The following ANAPC1 variants were observed in gnomAD, a reference collection of about 807,000 sequenced individuals.
The protein encoded by ANAPC1 is anaphase-promoting complex subunit 1.
Under a neutral mutation model 208.0 loss-of-function variants are expected in ANAPC1, and 36 were observed. The ratio of observed to expected loss-of-function variants is 0.17; its 90% CI spans 0.13 to 0.23. ANAPC1 has a LOEUF of 0.23. ANAPC1 is among the 10% of genes least tolerant of loss of function. ANAPC1 has a pLI of 1.00. For synonymous variants in ANAPC1, 378 were observed against 695.2 expected (o/e 0.54, Z 7.18); for missense variants, 942 against 2,011.6 (o/e 0.47, Z 10.17).
At chr2:111,849,906 A>C (rs1231677141) in intron 14 of ANAPC1, among the ~76,000 whole-genome samples, 3 of 151,548 alleles carry the variant, frequency 2.0e-5, no homozygotes, top group Non-Finnish European at 4.4e-5. Context: ...ATTCAGAATA[A>C]AACCACCTTT....
At chr2:111,864,263 C>T (rs989414578) in intron 8 of ANAPC1, among the ~76,000 whole-genome samples, 3 of 151,508 alleles carry the variant, frequency 2.0e-5, no homozygotes, top group African/African-American at 7.3e-5. Flanking sequence ...GAGTTCAAGG[C>T]TGCAGTGAAC....
chr2:111,797,902 C>A (rs879021094), intron 34 of ANAPC1, among the ~76,000 whole-genome samples: 1 of 116,926 alleles, frequency 8.6e-6, no homozygotes, highest in African/African-American at 3.7e-5. Context: ...AGGGGAGAGT[C>A]GATCCATGGA....
At chr2:111,873,866 T>C (rs36010459) in intron 3 of ANAPC1, among the ~76,000 whole-genome samples, 26 of 151,934 alleles carry the variant, frequency 1.7e-4, no homozygotes, top group African/African-American at 5.8e-4. Flanking sequence ...AGGCAAAATA[T>C]GTTTACAATT....
Position 111,884,088 on chromosome 2 carries a change from C to T in ANAPC1, c.-171G>A, listed in dbSNP as rs899966161. On this transcript the variant is annotated 5_prime_UTR_variant, in exon 1 of 48. Transcript: ENST00000341068. ...TCTCATTCCCTCTCCCTCCCCTATT[C>T]TGGAGGAAGAACGGGCAACAGCAGC... is the stretch of plus-strand genomic sequence containing the variant. The T allele has an allele frequency of 6.6e-6, 1 of 152,382 alleles. No individual in the cohort carries two copies. Among genetic ancestry groups the T allele is most frequent in the African/African-American group, 2.4e-5 (1 of 41,476 alleles). The allele number at this position is 152,382 out of a possible 1,614,324, so 9.4% of individuals were successfully genotyped here. A position where few individuals can be genotyped will look rare whatever the true frequency, so the allele number is the denominator to read the frequency against.
chr2:111,777,516 T>C (rs1301009877), intron 45 of ANAPC1, among the ~76,000 whole-genome samples: 1 of 150,162 alleles, frequency 6.7e-6, no homozygotes, highest in Non-Finnish European at 1.5e-5. Context: ...CTGCCACCCA[T>C]GACTGTAAAG....
intron 3 of ANAPC1, among the ~76,000 whole-genome samples, chr2:111,876,182 G>C (rs796113369): frequency 6.6e-6 from 1 of 151,732 alleles, no homozygotes; most frequent in African/African-American, 2.4e-5. Context: ...TAGAGCCCAG[G>C]GGTTCAAGAC....
chr2:111,860,904 C>T (rs1331020107), intron 10 of ANAPC1, among the ~76,000 whole-genome samples: 1 of 151,024 alleles, frequency 6.6e-6, no homozygotes. Flanking sequence ...TTATTGAATA[C>T]AATAATTCTT....
intron 16 of ANAPC1, among the ~76,000 whole-genome samples, chr2:111,845,924 G>A (rs1201070909): frequency 6.2e-5 from 9 of 145,660 alleles, no homozygotes; most frequent in African/African-American, 1.6e-4. Context: ...GCAGTGAGCC[G>A]AGTTTGCGCC....
chr2:111,834,887 A>C lies in ANAPC1; in HGVS notation c.2116-15T>G, dbSNP rs1680381792. 4.8e-6 allele frequency: 7 copies of C among 1,466,362 alleles called. No individual in the cohort carries two copies. Among genetic ancestry groups the C allele is most frequent in the Non-Finnish European group, 6.3e-6 (7 of 1,111,092 alleles). The allele number at this position is 1,466,362 out of a possible 1,614,324, so 90.8% of individuals were successfully genotyped here. A position where few individuals can be genotyped will look rare whatever the true frequency, so the allele number is the denominator to read the frequency against. ...TATTCCCAGTCCTGAGAAGAATAAA[A>C]AGAATATTAATTTTTAAAAATAATA... On this transcript the variant is annotated splice_polypyrimidine_tract_variant and intron_variant, in intron 18 of 47. Transcript: ENST00000341068.
chr2:111,880,350 C>A (rs528623350), intron 2 of ANAPC1: 2 of 494,302 alleles, frequency 4.0e-6, no homozygotes, highest in African/African-American at 4.2e-5. Flanking sequence ...CCAGCCCGGG[C>A]AAAAAGAGCA....
At chr2:111,855,325 A>C (rs1231408300) in intron 13 of ANAPC1, among the ~76,000 whole-genome samples, 2 of 152,344 alleles carry the variant, frequency 1.3e-5, no homozygotes, top group African/African-American at 4.8e-5. Context: ...AAAGGTTTGA[A>C]ATATTGCAAG....
chr2:111,842,642 CAAAAAAAAAA>C (rs1320611057), intron 17 of ANAPC1, among the ~76,000 whole-genome samples: 1 of 84,026 alleles, frequency 1.2e-5, no homozygotes, highest in Admixed American at 1.3e-4. Context: ...CATTCTGTCT[CAAAAAAAAAA>C]AAAAAAAAAT....
chr2:111,773,975 T>G (rs1204126199), intron 46 of ANAPC1, among the ~76,000 whole-genome samples: 1 of 149,728 alleles, frequency 6.7e-6, no homozygotes, highest in African/African-American at 2.5e-5. Flanking sequence ...TCAGTTAAAT[T>G]GAGATGGTTG....
chr2:111,831,668 CT>C (rs1261446620), intron 20 of ANAPC1, among the ~76,000 whole-genome samples: 2 of 151,546 alleles, frequency 1.3e-5, no homozygotes, highest in Non-Finnish European at 2.9e-5. Context: ...GAAACCCCGT[CT>C]CTACTAAAAA....
At chr2:111,855,265 C>T (rs1327203405) in intron 13 of ANAPC1, among the ~76,000 whole-genome samples, 1 of 152,132 alleles carries the variant, frequency 6.6e-6, no homozygotes, top group African/African-American at 2.4e-5. Context: ...CCAATAGTAA[C>T]ATCAAAGACC....
chr2:111,804,604 T>TTCACA (rs1367564990), intron 30 of ANAPC1, among the ~76,000 whole-genome samples: 5 of 118,236 alleles, frequency 4.2e-5, no homozygotes. Flanking sequence ...GCCTCCTGGG[T>TTCACA]TCACACCATT....
At chr2:111,834,309 G>A (rs2049202) in intron 19 of ANAPC1, among the ~76,000 whole-genome samples, 8 of 152,246 alleles carry the variant, frequency 5.3e-5, no homozygotes, top group African/African-American at 1.4e-4. Context: ...AACTCCCACC[G>A]CAGTATAGCC....
At chr2:111,790,998 C>T (rs1677843577) in intron 38 of ANAPC1, among the ~76,000 whole-genome samples, 1 of 152,124 alleles carries the variant, frequency 6.6e-6, no homozygotes, top group Admixed American at 6.5e-5. Flanking sequence ...GGTTGCACGG[C>T]AGTGTGAATA....
chr2:111,846,622 T>G (rs1239398187), intron 16 of ANAPC1, among the ~76,000 whole-genome samples: 3 of 129,688 alleles, frequency 2.3e-5, no homozygotes, highest in Non-Finnish European at 3.1e-5. Flanking sequence ...TAGGCTGGAG[T>G]GCAGTGGCAC....
Sources: allele counts gnomAD v4.1 joint callset (sites outside exome capture counted in the v4.1 genomes callset), GRCh38; gene constraint gnomAD v4.1.1; transcripts MANE v1.5; gene names NCBI Gene and HGNC (gene_info 2026-07-23, HGNC 2026-07-21).